The following GRXCR1 variants were observed in gnomAD, a reference collection of about 807,000 sequenced individuals.
GRXCR1 encodes glutaredoxin and cysteine rich domain containing 1, also known as glutaredoxin domain-containing cysteine-rich protein 1.
GRXCR1 carries 27 observed loss-of-function variants against 27.3 expected under a neutral mutation model. The observed-to-expected ratio is 0.99, with a 90% confidence interval of 0.73 to 1.37. The LOEUF (loss-of-function observed/expected upper bound fraction) is 1.37. Among genes scored for constraint, GRXCR1 ranks in the 40% most tolerant of loss-of-function variants. The pLI is 0.00. For synonymous variants in GRXCR1, 122 were observed against 131.1 expected (o/e 0.93, Z 0.47); for missense variants, 379 against 354.4 (o/e 1.07, Z -0.56).
At chr4:42,964,957 G>T (rs367713252) in intron 2 of GRXCR1, among the ~76,000 whole-genome samples, 1 of 152,000 alleles carries the variant, frequency 6.6e-6, no homozygotes, top group African/African-American at 2.4e-5. Flanking sequence ...GACAATGTAA[G>T]ACATTTCCCA....
intron 2 of GRXCR1, among the ~76,000 whole-genome samples, chr4:42,979,534 A>G (rs903036129): frequency 3.3e-5 from 5 of 151,998 alleles, no homozygotes; most frequent in African/African-American, 4.8e-5. Context: ...GTGCTGTTGA[A>G]TTTGATTTGC....
At chr4:42,946,085 T>G (rs1747736703) in intron 1 of GRXCR1, among the ~76,000 whole-genome samples, 1 of 152,142 alleles carries the variant, frequency 6.6e-6, no homozygotes, top group Non-Finnish European at 1.5e-5. Flanking sequence ...GGCCTGGCAA[T>G]GTAGTTTCAA....
intron 1 of GRXCR1, among the ~76,000 whole-genome samples, chr4:42,896,447 A>G (rs190951618): frequency 6.6e-6 from 1 of 152,198 alleles, no homozygotes; most frequent in Non-Finnish European, 1.5e-5. Context: ...GCAGAAGGCC[A>G]CCTGGCTGCT....
intron 2 of GRXCR1, among the ~76,000 whole-genome samples, chr4:42,972,181 T>C (rs74728651): frequency 0.031 from 4,653 of 152,310 alleles, 80 homozygotes; most frequent in South Asian, 0.058. Context: ...AATTTTCATT[T>C]TTTATTATTT....
At chr4:42,979,176 C>A (rs539474109) in intron 2 of GRXCR1, among the ~76,000 whole-genome samples, 18 of 151,848 alleles carry the variant, frequency 1.2e-4, no homozygotes, top group Non-Finnish European at 2.5e-4. Context: ...TTTATTTATT[C>A]GTTTCTCTTA....
chr4:42,996,902 C>G (rs977725640), intron 2 of GRXCR1, among the ~76,000 whole-genome samples: 1 of 151,918 alleles, frequency 6.6e-6, no homozygotes, highest in Non-Finnish European at 1.5e-5. Context: ...TCTGTCTTAT[C>G]CTTCACAATG....
intron 3 of GRXCR1, among the ~76,000 whole-genome samples, chr4:43,028,723 T>C (rs1713331737): frequency 6.6e-6 from 1 of 152,256 alleles, no homozygotes; most frequent in Admixed American, 6.5e-5. Context: ...TTTTCTTTTT[T>C]CTATTTTAAT....
At chr4:42,932,622 A>AT (rs1747354001) in intron 1 of GRXCR1, among the ~76,000 whole-genome samples, 1 of 22,984 alleles carries the variant, frequency 4.4e-5, no homozygotes, top group African/African-American at 1.5e-4. Context: ...ATATATATAG[A>AT]GAGAGAGAGA....
chr4:43,028,667 T>A (rs1441260727), intron 3 of GRXCR1, among the ~76,000 whole-genome samples: 2 of 152,262 alleles, frequency 1.3e-5, no homozygotes, highest in Non-Finnish European at 1.5e-5. Flanking sequence ...ATTTAGCTTT[T>A]AAAGTACACT....
chr4:42,916,606 T>C (rs1439542949), intron 1 of GRXCR1, among the ~76,000 whole-genome samples: 1 of 152,170 alleles, frequency 6.6e-6, no homozygotes, highest in African/African-American at 2.4e-5. Flanking sequence ...ATGAATGATG[T>C]TGCATTCTTC....
rs746701724 is a variant in GRXCR1 at position 43,030,379 on chromosome 4, G to T, written c.712G>T (p.Glu238Ter). Residue 238 changes from glutamate to a stop codon, truncating the protein, a stop_gained, in exon 4 of 4, where the codon GAG becomes TAG. Transcript: ENST00000399770. LOFTEE classifies it high-confidence loss of function. ...TATACAGAGAGTACAGCATCCACAT[G>T]AGTGTCCCTCTTGTGGAGGCTTTGG... ...TKIERVQHPH[E>*]CPSCGGFGFL... is the part of the protein sequence containing the mutation. 6.2e-7 allele frequency: 1 copy of T among 1,613,754 alleles called. No individual in the cohort carries two copies. Among genetic ancestry groups the T allele is most frequent in the Non-Finnish European group, 8.5e-7 (1 of 1,180,010 alleles).
At chr4:43,024,459 C>G (rs141905263) in intron 3 of GRXCR1, among the ~76,000 whole-genome samples, 171 of 152,070 alleles carry the variant, frequency 1.1e-3, no homozygotes, top group African/African-American at 4.0e-3. Context: ...GAGGCTACAG[C>G]CATAGAAACC....
chr4:43,012,953 A>G (rs894308763), intron 2 of GRXCR1, among the ~76,000 whole-genome samples: 9 of 152,190 alleles, frequency 5.9e-5, no homozygotes, highest in African/African-American at 1.7e-4. Context: ...AATACTCAAC[A>G]TCACTAATTA....
chr4:42,989,128 G>A (rs963487859), intron 2 of GRXCR1, among the ~76,000 whole-genome samples: 1 of 152,108 alleles, frequency 6.6e-6, no homozygotes, highest in Admixed American at 6.6e-5. Flanking sequence ...CTTTTATATC[G>A]CTTATATATT....
chr4:42,948,811 A>G (rs1747806293), intron 1 of GRXCR1, among the ~76,000 whole-genome samples: 1 of 152,112 alleles, frequency 6.6e-6, no homozygotes, highest in Non-Finnish European at 1.5e-5. Flanking sequence ...AGATGGAGGA[A>G]GGGACCATTA....
At chr4:42,988,607 C>T (rs1711856471) in intron 2 of GRXCR1, among the ~76,000 whole-genome samples, 1 of 151,934 alleles carries the variant, frequency 6.6e-6, no homozygotes, top group Non-Finnish European at 1.5e-5. Flanking sequence ...TAGAAGAAAC[C>T]TTGGTGAATT....
chr4:42,909,168 A>G (rs776597340), intron 1 of GRXCR1, among the ~76,000 whole-genome samples: 1 of 152,202 alleles, frequency 6.6e-6, no homozygotes, highest in African/African-American at 2.4e-5. Context: ...GGCAACCCTC[A>G]TTCCTTAAGT....
chr4:42,973,891 A>G (rs931269723), intron 2 of GRXCR1, among the ~76,000 whole-genome samples: 2 of 152,312 alleles, frequency 1.3e-5, no homozygotes, highest in South Asian at 2.1e-4. Flanking sequence ...ATGCACACTC[A>G]GTAAACATTT....
intron 3 of GRXCR1, among the ~76,000 whole-genome samples, chr4:43,020,820 T>C (rs958312009): frequency 1.3e-5 from 2 of 152,198 alleles, no homozygotes; most frequent in African/African-American, 4.8e-5. Context: ...AAGAAAAACT[T>C]GTGTCTCCAA....
Sources: gnomAD v4.1 joint callset for allele counts (sites outside exome capture counted in the v4.1 genomes callset) on GRCh38, gnomAD v4.1.1 for gene constraint, MANE v1.5 for transcripts, NCBI Gene and HGNC (gene_info 2026-07-23, HGNC 2026-07-21) for gene names.